The following RCBTB1 variants were observed in gnomAD, a reference collection of about 807,000 sequenced individuals.
RCBTB1 encodes RCC1 and BTB domain containing protein 1, also known as RCC1 and BTB domain-containing protein 1.
RCBTB1 carries 46 observed loss-of-function variants against 62.4 expected under a neutral mutation model. The ratio of observed to expected loss-of-function variants is 0.74; its 90% CI spans 0.58 to 0.94. The LOEUF is 0.94. Ranked by LOEUF, RCBTB1 falls within the 40% of genes least tolerant of loss-of-function variation. The probability of loss-of-function intolerance (pLI) is 0.00; values close to 1 mark genes in which losing one functional copy is unlikely to be tolerated. For missense variants in RCBTB1, 565 were observed against 654.9 expected (o/e 0.86, Z 1.50); for synonymous variants, 222 against 245.8 (o/e 0.90, Z 0.91).
chr13:49,574,143 G>C (rs978300295), intron 2 of RCBTB1, among the ~76,000 whole-genome samples: 1 of 149,834 alleles, frequency 6.7e-6, no homozygotes, highest in Non-Finnish European at 1.5e-5. Flanking sequence ...GGGGTGGACA[G>C]AGTCTCACTC....
At chr13:49,539,314 G>A (rs7326825) in intron 12 of RCBTB1, 87,709 of 152,102 alleles carry the variant, frequency 0.58, 27,052 homozygotes, top group Non-Finnish European at 0.69. Context: ...TCTTTCTAAA[G>A]GAAGTTTTTA....
chr13:49,576,393 G>T (rs906983163), intron 2 of RCBTB1, among the ~76,000 whole-genome samples: 1 of 151,878 alleles, frequency 6.6e-6, no homozygotes, highest in Non-Finnish European at 1.5e-5. Flanking sequence ...TATCAAGACT[G>T]CATTAATAAA....
chr13:49,544,303 C>G (rs1000697612), intron 10 of RCBTB1, among the ~76,000 whole-genome samples: 1 of 152,068 alleles, frequency 6.6e-6, no homozygotes, highest in South Asian at 2.1e-4. Flanking sequence ...AACCCCATCT[C>G]TATTATAAAT....
intron 12 of RCBTB1, chr13:49,537,910 T>C (rs1960056674): frequency 6.6e-6 from 1 of 152,216 alleles, no homozygotes; most frequent in Non-Finnish European, 1.5e-5. Context: ...TACATTTTTG[T>C]TGCTTTAATG....
intron 1 of RCBTB1, among the ~76,000 whole-genome samples, chr13:49,584,687 G>C (rs1456006750): frequency 6.6e-6 from 1 of 152,180 alleles, no homozygotes; most frequent in South Asian, 2.1e-4. Flanking sequence ...GCAAAAGCAA[G>C]GAAGATCATG....
Position 49,550,376 on chromosome 13 carries a change from C to A in RCBTB1, c.855-728G>T, listed in dbSNP as rs117687337. ...TTGGCTGGGGGTCACGGACTCTGAA[C>A]GTTCCAATCCAAAAGGAAAACAAGC... On this transcript the variant is annotated intron_variant, in intron 8 of 12. Transcript: ENST00000378302. 6.4e-3 allele frequency: 5,812 copies of A among 908,540 alleles called. 26 individuals carry two copies. Among genetic ancestry groups the A allele is most frequent in the Non-Finnish European group, 6.8e-3 (5,177 of 759,510 alleles). The allele number at this position is 908,540 out of a possible 1,614,324, so 56.3% of individuals were successfully genotyped here. A position where few individuals can be genotyped will look rare whatever the true frequency, so the allele number is the denominator to read the frequency against.
At chr13:49,567,010 G>C (rs1423494005) in intron 3 of RCBTB1, 144 bp downstream of exon 3, 6 of 796,958 alleles carry the variant, frequency 7.5e-6, no homozygotes, top group Non-Finnish European at 1.2e-5. Flanking sequence ...ACTGAAAAAA[G>C]AGAAACTATC....
In RCBTB1 at chr13:49,540,961, T is replaced by A; in HGVS notation, c.1370A>T (p.Lys457Ile). 1 of 1,613,508 alleles carries A rather than the reference T, an allele frequency of 6.2e-7. No individual in the cohort carries two copies. Residue 457 changes from lysine (K) to isoleucine (I), a missense_variant, in exon 12 of 13, where the codon AAA becomes ATA. By Grantham distance (102) the Lys-to-Ile change is moderately radical. Coordinates refer to ENST00000378302, the MANE Select transcript of RCBTB1 (RefSeq NM_018191.4). ...ATSYCENRLKKLCQHIIKRGI... is the reference protein window; with the variant it reads ...ATSYCENRLKILCQHIIKRGI... Reference sequence around the variant, plus strand: ...TCTCTTGATAATGTGCTGACAAAGTTTTTTCAGTCTGTTTTCACAGTAAGA... The same window carrying A: ...TCTCTTGATAATGTGCTGACAAAGTATTTTCAGTCTGTTTTCACAGTAAGA...
chr13:49,566,982 C>T (rs1406916164), intron 3 of RCBTB1, among the ~76,000 whole-genome samples, 172 bp downstream of exon 3: 3 of 152,054 alleles, frequency 2.0e-5, no homozygotes, highest in Admixed American at 1.3e-4. Context: ...ATGGAGTAGA[C>T]GGGTATTAAA....
intron 2 of RCBTB1, among the ~76,000 whole-genome samples, chr13:49,568,648 CGGGG>C (rs869218723): frequency 1.8e-5 from 1 of 55,436 alleles, no homozygotes; most frequent in African/African-American, 8.7e-5. Context: ...ATAATCAGGC[CGGGG>C]GAGGGGGGTG....
rs747076959 is a variant in RCBTB1 at position 49,567,322 on chromosome 13, T to C, written c.-41-2A>G. On this transcript the variant is annotated splice_acceptor_variant, in intron 2 of 12. Transcript: ENST00000378302. LOFTEE classifies it low-confidence loss of function (5UTR_SPLICE). ...ATTCCTATAAATAAGCCGACATCTC[T>C]GCTGGAACAGAAAGGATTCCAGAAA... 11 of 1,596,440 alleles carry C rather than the reference T, an allele frequency of 6.9e-6. No homozygotes were observed. The highest frequency in any genetic ancestry group is 9.4e-6 in the Non-Finnish European group (11 of 1,169,264).
intron 4 of RCBTB1, among the ~76,000 whole-genome samples, chr13:49,561,881 C>T (rs916557645): frequency 1.3e-5 from 2 of 150,868 alleles, no homozygotes; most frequent in African/African-American, 4.9e-5. Flanking sequence ...TGCTTGAGGT[C>T]AGGAGTTCAA....
chr13:49,567,226 G>T lies in RCBTB1; in HGVS notation c.54C>A (p.Ile18=), dbSNP rs9562900. The part of the protein sequence containing the change: ...PIFTLLSPQE[I]ASIRKACVFG... Reference sequence around the variant, plus strand: ...AGACACACGCCTTCCGAATAGACGCGATCTCTTGAGGGGAGAGTAGAGTGA... The same window carrying T: ...AGACACACGCCTTCCGAATAGACGCTATCTCTTGAGGGGAGAGTAGAGTGA... Residue 18 remains isoleucine (I), a synonymous_variant, in exon 3 of 13, where the codon ATC becomes ATA. Transcript: ENST00000378302. 1 of 1,613,698 alleles carries T rather than the reference G, an allele frequency of 6.2e-7. No homozygotes were observed. The highest frequency in any genetic ancestry group is 8.5e-7 in the Non-Finnish European group (1 of 1,179,820).
At chr13:49,562,093 A>G (rs1962482760) in intron 4 of RCBTB1, among the ~76,000 whole-genome samples, 2 of 150,826 alleles carry the variant, frequency 1.3e-5, no homozygotes, top group South Asian at 2.1e-4. Flanking sequence ...AAAGGACTCT[A>G]TCTCAAAGAA....
chr13:49,561,925 C>G (rs994736973), intron 4 of RCBTB1, among the ~76,000 whole-genome samples: 40 of 138,362 alleles, frequency 2.9e-4, no homozygotes, highest in African/African-American at 1.2e-3. Flanking sequence ...AACCCCACAT[C>G]TACTAAAAAA....
chr13:49,580,799 C>A (rs1197034196), intron 1 of RCBTB1, among the ~76,000 whole-genome samples: 1 of 152,076 alleles, frequency 6.6e-6, no homozygotes, highest in African/African-American at 2.4e-5. Context: ...ACTGAAATTC[C>A]AGCAATGGAC....
At chr13:49,546,080 A>G in intron 9 of RCBTB1, 2 of 985,302 alleles carry the variant, frequency 2.0e-6, no homozygotes. Flanking sequence ...CTGGTGGGTA[A>G]AAGAATACAA....
chr13:49,550,722 A>G (rs1033246826), intron 8 of RCBTB1, among the ~76,000 whole-genome samples: 1 of 152,204 alleles, frequency 6.6e-6, no homozygotes, highest in Non-Finnish European at 1.5e-5. Context: ...AGATGCATTC[A>G]CACCTATCAA....
rs796643525 is a variant in RCBTB1 at position 49,534,831 on chromosome 13, C to T, written c.1456-569G>A. Among the ~76,000 whole-genome samples the T allele has an allele frequency of 9.9e-5, 15 of 152,074 alleles. 1 individual carries two copies. The highest frequency in any genetic ancestry group is 3.1e-4 in the African/African-American group (13 of 41,476). ...GGCGGATCACTTGAGGTCAGGAGTT[C>T]GAGACCAGCCTGGCCAACATAGGGA... On this transcript the variant is annotated intron_variant, in intron 12 of 12. Transcript: ENST00000378302.
Sources: gnomAD v4.1 joint callset for allele counts (sites outside exome capture counted in the v4.1 genomes callset) on GRCh38, gnomAD v4.1.1 for gene constraint, MANE v1.5 for transcripts, NCBI Gene and HGNC (gene_info 2026-07-23, HGNC 2026-07-21) for gene names.